HECW2: variants seen among roughly 807,000 people sequenced by gnomAD.
The protein encoded by HECW2 is E3 ubiquitin-protein ligase HECW2.
In HECW2, 61 loss-of-function variants were observed where a neutral mutation model predicts 175.2. The ratio of observed to expected loss-of-function variants is 0.35; its 90% confidence interval spans 0.28 to 0.43. The LOEUF (loss-of-function observed/expected upper bound fraction) is 0.43. Among genes scored for constraint, HECW2 ranks in the 20% least tolerant of loss-of-function variants. HECW2 has a pLI of 1.00. For missense variants in HECW2, 1,524 were observed against 2,000.5 expected (o/e 0.76, Z 4.54); for synonymous variants, 671 against 731.0 (o/e 0.92, Z 1.32).
At chr2:196,403,465 A>G (rs1694876943) in intron 2 of HECW2, among the ~76,000 whole-genome samples, 1 of 152,212 alleles carries the variant, frequency 6.6e-6, no homozygotes, top group African/African-American at 2.4e-5. Flanking sequence ...CAGTAAACAC[A>G]AACCTTCAAG....
chr2:196,520,436 C>T (rs958165981), intron 1 of HECW2, among the ~76,000 whole-genome samples: 1 of 152,144 alleles, frequency 6.6e-6, no homozygotes, highest in Non-Finnish European at 1.5e-5. Flanking sequence ...GCAATTGCCG[C>T]AGGAAAAACT....
At chr2:196,522,941 G>A (rs1227039599) in intron 1 of HECW2, among the ~76,000 whole-genome samples, 2 of 152,140 alleles carry the variant, frequency 1.3e-5, no homozygotes, top group Non-Finnish European at 2.9e-5. Flanking sequence ...TTTTGACTTA[G>A]GATTGACTTG....
rs1296188276 is a variant in HECW2, at chr2:196,458,797, A to G, written c.-35-25339T>C. The stretch of plus-strand genomic sequence containing the variant: ...AGGAGAATGACTTGAACCCAGGAGG[A>G]GGAGGTTGCAGTGAGCCGAGATTGC... On this transcript the variant is annotated intron_variant, in intron 1 of 28. Coordinates refer to ENST00000644978, the MANE Select transcript of HECW2 (RefSeq NM_001348768.2). Among the ~76,000 whole-genome samples the G allele has an allele frequency of 6.6e-5, 10 of 152,256 alleles. No individual in the cohort carries two copies. The East Asian group carries it at 1.7e-3, about 26-fold the overall frequency.
intron 1 of HECW2, among the ~76,000 whole-genome samples, chr2:196,475,382 T>C (rs1278699620): frequency 3.7e-5 from 4 of 109,000 alleles, no homozygotes; most frequent in Non-Finnish European, 5.2e-5. Context: ...GATAGGAAGA[T>C]GAGGAGGGAG....
At chr2:196,428,757 A>T (rs1695620699) in intron 2 of HECW2, among the ~76,000 whole-genome samples, 1 of 152,202 alleles carries the variant, frequency 6.6e-6, no homozygotes, top group Non-Finnish European at 1.5e-5. Flanking sequence ...ACGAAGTAGT[A>T]ACTACCAAAG....
chr2:196,514,149 G>A lies in HECW2; in HGVS notation c.-36+79359C>T, dbSNP rs572631189. ...GAAGCTCCCCAACCCCATAGTCTCA[G>A]AAGTACCTGTTCCAACTGCCCGGCC... On this transcript the variant is annotated intron_variant, in intron 1 of 28. Transcript: ENST00000644978. Among the ~76,000 whole-genome samples, 5 of 152,334 alleles carry A rather than the reference G, an allele frequency of 3.3e-5. No homozygotes were observed. The East Asian group carries it at 9.6e-4, about 29-fold the overall frequency.
At chr2:196,499,525 A>G (rs1021353522) in intron 1 of HECW2, among the ~76,000 whole-genome samples, 1 of 152,142 alleles carries the variant, frequency 6.6e-6, no homozygotes. Flanking sequence ...ACTTCAGAAG[A>G]GCTTATTAGG....
chr2:196,373,484 C>G (rs1693961493), intron 2 of HECW2, among the ~76,000 whole-genome samples: 1 of 152,170 alleles, frequency 6.6e-6, no homozygotes, highest in South Asian at 2.1e-4. Flanking sequence ...CTGGAACAAA[C>G]TGTAACAACT....
chr2:196,512,343 GT>G (rs1379733170), intron 1 of HECW2, among the ~76,000 whole-genome samples: 2 of 152,204 alleles, frequency 1.3e-5, no homozygotes, highest in African/African-American at 4.8e-5. Context: ...AATATTTTAT[GT>G]CAGTTATCTA....
In HECW2 at chr2:196,255,147, A is replaced by ATTTTT. The variant is rs768416431; in HGVS notation, c.3420-1123_3420-1119dup. On this transcript the variant is annotated intron_variant, in intron 18 of 28. Coordinates refer to ENST00000644978, the MANE Select transcript of HECW2 (RefSeq NM_001348768.2). ...GTCACCACGTTCAGCTAATTTTTCTATTTTTTTTTTTTTTTTTTTTTTTAG... is the reference window on the plus strand; with the variant it reads ...GTCACCACGTTCAGCTAATTTTTCTATTTTTTTTTTTTTTTTTTTTTTTTTTTTAG... 4.2e-4 allele frequency among the ~76,000 whole-genome samples: 40 copies of ATTTTT among 95,410 alleles called. 3 individuals are homozygous for ATTTTT. Among genetic ancestry groups the ATTTTT allele is most frequent in the East Asian group, 1.6e-3 (5 of 3,036 alleles). The allele number at this position is 95,410 out of a possible 152,430, so 62.6% of individuals were successfully genotyped here. A position where few individuals can be genotyped will look rare whatever the true frequency, so the allele number is the denominator to read the frequency against.
intron 1 of HECW2, among the ~76,000 whole-genome samples, chr2:196,489,142 T>C (rs1306402273): frequency 6.6e-6 from 1 of 152,218 alleles, no homozygotes; most frequent in Non-Finnish European, 1.5e-5. Flanking sequence ...TAATAAGTCC[T>C]TGGCATTGTT....
At chr2:196,302,588 T>A (rs1302853540) in intron 13 of HECW2, among the ~76,000 whole-genome samples, 1 of 152,356 alleles carries the variant, frequency 6.6e-6, no homozygotes, top group East Asian at 1.9e-4. Flanking sequence ...TTCTCTGATT[T>A]CTTTTTGAGC....
chr2:196,573,951 C>A (rs1352131147), intron 1 of HECW2, among the ~76,000 whole-genome samples: 1 of 151,932 alleles, frequency 6.6e-6, no homozygotes, highest in African/African-American at 2.4e-5. Context: ...GAGACTGAGG[C>A]AAGAGGATTG....
intron 2 of HECW2, among the ~76,000 whole-genome samples, chr2:196,427,056 T>C (rs568454184): frequency 3.9e-5 from 6 of 152,142 alleles, no homozygotes; most frequent in Non-Finnish European, 5.9e-5. Flanking sequence ...TCCAGAGAAA[T>C]GCTGGTAAAT....
chr2:196,454,413 T>A (rs964901883), intron 1 of HECW2, among the ~76,000 whole-genome samples: 11 of 152,236 alleles, frequency 7.2e-5, no homozygotes, highest in Admixed American at 3.3e-4. Context: ...TTCCACTGTA[T>A]GATGTATATA....
At chr2:196,334,752 C>T (rs1308678115) in intron 3 of HECW2, among the ~76,000 whole-genome samples, 1 of 152,156 alleles carries the variant, frequency 6.6e-6, no homozygotes, top group Non-Finnish European at 1.5e-5. Context: ...AAACAACATG[C>T]CAAAATAGAA....
intron 1 of HECW2, among the ~76,000 whole-genome samples, chr2:196,475,972 C>T (rs527352501): frequency 6.6e-6 from 1 of 152,208 alleles, no homozygotes; most frequent in Non-Finnish European, 1.5e-5. Context: ...GCCTCGGACC[C>T]GCTGTGCCTC....
intron 21 of HECW2, among the ~76,000 whole-genome samples, chr2:196,235,100 A>T (rs902109856): frequency 3.5e-5 from 5 of 144,372 alleles, no homozygotes; most frequent in South Asian, 2.1e-4. Flanking sequence ...TTATTTTTGT[A>T]TTTTTTTTTT....
chr2:196,493,444 T>C (rs938232061), intron 1 of HECW2: 5 of 152,130 alleles, frequency 3.3e-5, no homozygotes, highest in African/African-American at 1.2e-4. Flanking sequence ...AGATATATCT[T>C]TGCCACTGAT....
Sources: gnomAD v4.1 joint callset for allele counts (sites outside exome capture counted in the v4.1 genomes callset) on GRCh38, gnomAD v4.1.1 for gene constraint, MANE v1.5 for transcripts, NCBI Gene and HGNC (gene_info 2026-07-23, HGNC 2026-07-21) for gene names.